Variants in CBFA2T2 observed in about 807,000 individuals in gnomAD.
The protein encoded by CBFA2T2 is protein CBFA2T2.
Under a neutral mutation model 62.2 loss-of-function variants are expected in CBFA2T2, and 11 were observed. That is an observed-to-expected ratio of 0.18 (90% CI 0.11 to 0.29). The LOEUF is 0.29. Among genes scored for constraint, CBFA2T2 ranks in the 10% least tolerant of loss-of-function variants. The probability of loss-of-function intolerance (pLI) is 1.00; values close to 1 mark genes in which losing one functional copy is unlikely to be tolerated. For missense variants in CBFA2T2, 592 were observed against 774.1 expected (o/e 0.76, Z 2.79); for synonymous variants, 295 against 287.5 (o/e 1.03, Z -0.27).
chr20:33,623,082 C>T lies in CBFA2T2; in HGVS notation c.511-33C>T. On this transcript the variant is annotated intron_variant, in intron 4 of 10. Transcript: ENST00000342704. ...GGTGCTGAGCCTTCTTGTGTAGGGC[C>T]TAACACTGGAAAAACTGCCTCTTCC... is the stretch of plus-strand genomic sequence containing the variant. The T allele has an allele frequency of 2.5e-6, 4 of 1,612,306 alleles. No homozygotes were observed. The South Asian group carries it at 4.4e-5, about 18-fold the overall frequency.
rs528973562 is a variant in CBFA2T2, at chr20:33,497,363, G to A, written c.34+7062G>A. On this transcript the variant is annotated intron_variant, in intron 1 of 10. Coordinates refer to ENST00000342704, the MANE Select transcript of CBFA2T2 (RefSeq NM_001032999.3). ...TGGAAAGTTTTTGTTCCCTTTGGTT[G>A]TTGGGCCTAGAGATCTAGAGATGCT... is the stretch of plus-strand genomic sequence containing the variant. Among the ~76,000 whole-genome samples, 544 of 149,854 alleles carry A rather than the reference G, an allele frequency of 3.6e-3. 12 individuals are homozygous for A. Among genetic ancestry groups the A allele is most frequent in the Admixed American group, 0.032 (476 of 14,854 alleles).
intron 1 of CBFA2T2, among the ~76,000 whole-genome samples, chr20:33,532,524 C>T (rs140404055): frequency 1.3e-5 from 2 of 152,298 alleles, no homozygotes; most frequent in African/African-American, 2.4e-5. Flanking sequence ...TTGCTTTAAG[C>T]AACTGAGACA....
At chr20:33,497,690 C>T (rs1458382821) in intron 1 of CBFA2T2, among the ~76,000 whole-genome samples, 1 of 151,738 alleles carries the variant, frequency 6.6e-6, no homozygotes, top group Non-Finnish European at 1.5e-5. Context: ...GCAGGGACTA[C>T]AGGCACACGC....
chr20:33,514,115 C>T (rs567416961), intron 1 of CBFA2T2, among the ~76,000 whole-genome samples: 52 of 146,534 alleles, frequency 3.5e-4, no homozygotes, highest in African/African-American at 1.2e-3. Flanking sequence ...GTTGGTCAGG[C>T]GGGCCTCGAA....
At chr20:33,596,477 A>G (rs1159512335) in intron 1 of CBFA2T2, among the ~76,000 whole-genome samples, 8 of 152,216 alleles carry the variant, frequency 5.3e-5, no homozygotes, top group African/African-American at 1.7e-4. Flanking sequence ...TATTCTTGAA[A>G]TTCACAGTGC....
At chr20:33,589,431 A>G (rs1216479499) in intron 1 of CBFA2T2, among the ~76,000 whole-genome samples, 1 of 152,206 alleles carries the variant, frequency 6.6e-6, no homozygotes, top group Non-Finnish European at 1.5e-5. Flanking sequence ...AGTTACCTTT[A>G]TTTTGTTTAC....
intron 1 of CBFA2T2, among the ~76,000 whole-genome samples, chr20:33,598,344 C>T (rs2014976430): frequency 6.6e-6 from 1 of 152,068 alleles, no homozygotes; most frequent in African/African-American, 2.4e-5. Flanking sequence ...ACAGGCGCAC[C>T]TAGGGGGGCC....
chr20:33,557,004 C>CTTTTTTTTTTTTTTT lies in CBFA2T2; in HGVS notation c.35-49938_35-49924dup, dbSNP rs751836572. Reference sequence around the variant, plus strand: ...CTTGCCCAAGGTGTTGCATGCTTATCTTTTTTTTTTTTTTTTTTTTTTTTT... The same window carrying CTTTTTTTTTTTTTTT: ...CTTGCCCAAGGTGTTGCATGCTTATCTTTTTTTTTTTTTTTTTTTTTTTTTTTTTTTTTTTTTTTT... On this transcript the variant is annotated intron_variant, in intron 1 of 10. Transcript: ENST00000342704. 8.7e-5 allele frequency among the ~76,000 whole-genome samples: 4 copies of CTTTTTTTTTTTTTTT among 46,212 alleles called. 2 individuals carry two copies. Among genetic ancestry groups the CTTTTTTTTTTTTTTT allele is most frequent in the African/African-American group, 1.9e-4 (2 of 10,654 alleles). 30.3% of individuals were successfully genotyped at this position (46,212 alleles called of 152,430 possible).
At chr20:33,546,590 T>A (rs906167878) in intron 1 of CBFA2T2, among the ~76,000 whole-genome samples, 1 of 151,944 alleles carries the variant, frequency 6.6e-6, no homozygotes. Flanking sequence ...CACAGGCACC[T>A]GCCACCATGC....
At chr20:33,545,432 T>C (rs1191242202) in intron 1 of CBFA2T2, among the ~76,000 whole-genome samples, 2 of 149,118 alleles carry the variant, frequency 1.3e-5, no homozygotes. Flanking sequence ...ATTAAGACTC[T>C]TTCTTTCTCT....
At chr20:33,503,587 A>T (rs2011339530) in intron 1 of CBFA2T2, among the ~76,000 whole-genome samples, 1 of 152,134 alleles carries the variant, frequency 6.6e-6, no homozygotes, top group Non-Finnish European at 1.5e-5. Flanking sequence ...AAATTATTGT[A>T]TAAAACTAGA....
At chr20:33,610,577 T>C (rs2015485856) in intron 2 of CBFA2T2, among the ~76,000 whole-genome samples, 1 of 152,154 alleles carries the variant, frequency 6.6e-6, no homozygotes, top group South Asian at 2.1e-4. Flanking sequence ...AAGAGATAGG[T>C]ACCTTATTGT....
At chr20:33,506,464 A>G (rs2011405468) in intron 1 of CBFA2T2, among the ~76,000 whole-genome samples, 1 of 152,204 alleles carries the variant, frequency 6.6e-6, no homozygotes, top group African/African-American at 2.4e-5. Context: ...AAGTGAAACC[A>G]TTAACAACTG....
chr20:33,573,892 C>T, intron 1 of CBFA2T2: 1 of 274,284 alleles, frequency 3.6e-6, no homozygotes, highest in East Asian at 1.0e-4. Context: ...GTAGTTGTCC[C>T]ACCTCAGCCT....
At chr20:33,548,497 G>A (rs536571264) in intron 1 of CBFA2T2, among the ~76,000 whole-genome samples, 13 of 152,070 alleles carry the variant, frequency 8.5e-5, no homozygotes, top group African/African-American at 1.4e-4. Context: ...GCCTGCCTCC[G>A]CCTCCCAAAG....
chr20:33,559,485 TTTGTTG>T (rs533489535), intron 1 of CBFA2T2, among the ~76,000 whole-genome samples: 2 of 151,752 alleles, frequency 1.3e-5, no homozygotes, highest in Non-Finnish European at 1.5e-5. Flanking sequence ...AATTGTGATT[TTTGTTG>T]TTGTTGTTGT....
chr20:33,550,946 A>G (rs994324779), intron 1 of CBFA2T2, among the ~76,000 whole-genome samples: 2 of 151,922 alleles, frequency 1.3e-5, no homozygotes, highest in South Asian at 2.1e-4. Flanking sequence ...ATCTGCTGTC[A>G]AGCTACATGA....
At chr20:33,640,198 CAT>C (rs947984348) in intron 9 of CBFA2T2, 141 bp from the exon 10 acceptor site, 3 of 782,312 alleles carry the variant, frequency 3.8e-6, no homozygotes, top group Non-Finnish European at 2.0e-6. Flanking sequence ...TGGATGGACA[CAT>C]GAGTGTGAAG....
At chr20:33,512,635 C>A (rs1354442476) in intron 1 of CBFA2T2, among the ~76,000 whole-genome samples, 2 of 152,108 alleles carry the variant, frequency 1.3e-5, no homozygotes, top group African/African-American at 2.4e-5. Flanking sequence ...CAGTAATATA[C>A]CACAGTCGGT....
Sources: gnomAD v4.1 joint callset for allele counts (sites outside exome capture counted in the v4.1 genomes callset) on GRCh38, gnomAD v4.1.1 for gene constraint, MANE v1.5 for transcripts, NCBI Gene and HGNC (gene_info 2026-07-23, HGNC 2026-07-21) for gene names.